The following CDKAL1 variants were observed in gnomAD, a reference collection of about 807,000 sequenced individuals.
CDKAL1 encodes the protein CDKAL1 threonylcarbamoyladenosine tRNA methylthiotransferase, also known as threonylcarbamoyladenosine tRNA methylthiotransferase.
Under a neutral mutation model 68.2 loss-of-function variants are expected in CDKAL1, and 32 were observed. The ratio of observed to expected loss-of-function variants is 0.47; its 90% confidence interval spans 0.35 to 0.63. CDKAL1 has a LOEUF of 0.63. Ranked by LOEUF, CDKAL1 falls within the 30% of genes least tolerant of loss-of-function variation. CDKAL1 has a pLI of 0.00. For synonymous variants in CDKAL1, 234 were observed against 244.3 expected (o/e 0.96, Z 0.39); for missense variants, 606 against 696.7 (o/e 0.87, Z 1.47).
At chr6:20,969,054 G>A (rs763780519) in intron 10 of CDKAL1, among the ~76,000 whole-genome samples, 32 of 152,016 alleles carry the variant, frequency 2.1e-4, no homozygotes, top group Non-Finnish European at 4.0e-4. Flanking sequence ...TCTGGAAATC[G>A]GATTCTTCTC....
intron 7 of CDKAL1, among the ~76,000 whole-genome samples, chr6:20,780,825 C>T (rs1454106061): frequency 6.6e-6 from 1 of 151,986 alleles, no homozygotes; most frequent in Non-Finnish European, 1.5e-5. Flanking sequence ...AGGCGCCCGC[C>T]ACCACACCCG....
chr6:21,118,211 A>G (rs1245432779), intron 13 of CDKAL1, among the ~76,000 whole-genome samples: 1 of 152,238 alleles, frequency 6.6e-6, no homozygotes, highest in East Asian at 1.9e-4. Context: ...AGACATACTG[A>G]GAAACATTAA....
At chr6:21,195,476 TTTTTA>T (rs1484581141) in intron 13 of CDKAL1, among the ~76,000 whole-genome samples, 2 of 100,798 alleles carry the variant, frequency 2.0e-5, no homozygotes, top group African/African-American at 3.5e-5. Context: ...GGAGATGTTT[TTTTTA>T]TTTATTTATT....
intron 9 of CDKAL1, among the ~76,000 whole-genome samples, chr6:20,905,047 A>T (rs1340609496): frequency 6.6e-6 from 1 of 152,182 alleles, no homozygotes; most frequent in East Asian, 1.9e-4. Flanking sequence ...ATCACAAGGG[A>T]TACAAAGAAA....
At chr6:20,822,176 A>G (rs1259999030) in intron 8 of CDKAL1, among the ~76,000 whole-genome samples, 1 of 152,200 alleles carries the variant, frequency 6.6e-6, no homozygotes, top group Non-Finnish European at 1.5e-5. Flanking sequence ...AGAGAGCATT[A>G]TACTGAGTAT....
intron 5 of CDKAL1, chr6:20,722,446 A>G: frequency 3.4e-6 from 1 of 294,598 alleles, no homozygotes; most frequent in South Asian, 3.9e-5. Flanking sequence ...CTGAAGCCTC[A>G]TCACAGTCTT....
In CDKAL1 at chr6:21,014,096, C is replaced by G. The variant is rs183831879; in HGVS notation, c.1055+13724C>G. Among the ~76,000 whole-genome samples the G allele has an allele frequency of 1.1e-4, 16 of 152,264 alleles. No individual in the cohort carries two copies. The East Asian group carries it at 2.5e-3, about 24-fold the overall frequency. ...AGAGTTAAAGAAGTGTGTGCCCCAC[C>G]CTACCTTGAAGGTTACTGTCTTTGA... On this transcript the variant is annotated intron_variant, in intron 11 of 15. Coordinates refer to ENST00000274695, the MANE Select transcript of CDKAL1 (RefSeq NM_017774.3).
At chr6:20,947,412 G>T (rs923306584) in intron 9 of CDKAL1, among the ~76,000 whole-genome samples, 11 of 152,048 alleles carry the variant, frequency 7.2e-5, no homozygotes, top group African/African-American at 2.7e-4. Context: ...GCAACATGGT[G>T]AAACCCTGTC....
At chr6:20,672,280 T>TTCTTTCTC (rs1465116508) in intron 5 of CDKAL1, among the ~76,000 whole-genome samples, 3 of 125,012 alleles carry the variant, frequency 2.4e-5, no homozygotes, top group Non-Finnish European at 5.0e-5. Context: ...TTTTCTTTCT[T>TTCTTTCTC]TCTCTCTCTC....
intron 10 of CDKAL1, among the ~76,000 whole-genome samples, chr6:20,985,647 T>C (rs1266981277): frequency 1.3e-5 from 2 of 152,146 alleles, no homozygotes; most frequent in Admixed American, 1.3e-4. Context: ...AAGCTAGGCA[T>C]GGTGGCTCAC....
At chr6:20,692,680 G>T (rs1770921903) in intron 5 of CDKAL1, among the ~76,000 whole-genome samples, 1 of 151,654 alleles carries the variant, frequency 6.6e-6, no homozygotes, top group Non-Finnish European at 1.5e-5. Flanking sequence ...CTTTTTTTCT[G>T]GAAAATATTA....
At chr6:20,657,651 A>ATTGT (rs1256013131) in intron 5 of CDKAL1, among the ~76,000 whole-genome samples, 1 of 152,130 alleles carries the variant, frequency 6.6e-6, no homozygotes, top group Non-Finnish European at 1.5e-5. Flanking sequence ...AGATCCAGAA[A>ATTGT]TTGTGCATTT....
intron 4 of CDKAL1, among the ~76,000 whole-genome samples, chr6:20,588,410 A>C (rs570214330): frequency 6.6e-6 from 1 of 152,284 alleles, no homozygotes; most frequent in African/African-American, 2.4e-5. Flanking sequence ...CTTTGAGCCC[A>C]CCTTTGAATT....
intron 4 of CDKAL1, among the ~76,000 whole-genome samples, chr6:20,593,756 T>C (rs866020990): frequency 6.6e-6 from 1 of 152,350 alleles, no homozygotes; most frequent in Middle Eastern, 3.4e-3. Context: ...CTAGTTCTTT[T>C]AATTGTGATG....
intron 8 of CDKAL1, among the ~76,000 whole-genome samples, chr6:20,845,264 A>G (rs1253584297): frequency 6.6e-6 from 1 of 152,118 alleles, no homozygotes. Context: ...TGTTTGGTTC[A>G]ATGTTATTGA....
At chr6:20,916,248 A>G (rs1303758930) in intron 9 of CDKAL1, among the ~76,000 whole-genome samples, 1 of 152,316 alleles carries the variant, frequency 6.6e-6, no homozygotes, top group African/African-American at 2.4e-5. Context: ...AACAATGCCA[A>G]TTTTTTGTTC....
rs556361872 is a variant in CDKAL1, at chr6:21,015,425, C to G, written c.1055+15053C>G. Among the ~76,000 whole-genome samples the G allele has an allele frequency of 1.5e-4, 23 of 152,268 alleles. No individual in the cohort carries two copies. In the East Asian group the frequency reaches 4.2e-3, roughly 28 times the overall value. ...TTTTATAGAAAATACTATTATAATT[C>G]AACTGTCCAACAGTGATTCTTTTTC... is the stretch of plus-strand genomic sequence containing the variant. On this transcript the variant is annotated intron_variant, in intron 11 of 15. Transcript: ENST00000274695.
At chr6:20,816,913 T>G (rs1777070184) in intron 8 of CDKAL1, among the ~76,000 whole-genome samples, 1 of 152,158 alleles carries the variant, frequency 6.6e-6, no homozygotes, top group Non-Finnish European at 1.5e-5. Context: ...TGTGGCTGTG[T>G]TTAATTTAAC....
At chr6:20,849,637 C>T (rs1256925485) in intron 9 of CDKAL1, among the ~76,000 whole-genome samples, 2 of 150,638 alleles carry the variant, frequency 1.3e-5, no homozygotes, top group African/African-American at 2.4e-5. Flanking sequence ...AACTAAAATC[C>T]GAAGCCAGGA....
Sources: allele counts gnomAD v4.1 joint callset (sites outside exome capture counted in the v4.1 genomes callset), GRCh38; gene constraint gnomAD v4.1.1; transcripts MANE v1.5; gene names NCBI Gene and HGNC (gene_info 2026-07-23, HGNC 2026-07-21).